ACAA1: variants seen among roughly 807,000 people sequenced by gnomAD.
ACAA1 encodes the protein acetyl-CoA acyltransferase 1.
A neutral mutation model predicts 48.8 loss-of-function variants in ACAA1; 44 were observed. The ratio of observed to expected loss-of-function variants is 0.90; its 90% confidence interval spans 0.71 to 1.16. The LOEUF (loss-of-function observed/expected upper bound fraction) is 1.16, where lower values mean the gene tolerates loss of function less well. ACAA1 is among the 50% of genes most tolerant of loss of function. The pLI is 0.00. For synonymous variants in ACAA1, 233 were observed against 226.5 expected, an observed-to-expected ratio of 1.03 and a Z score of -0.26; for missense variants, 512 against 562.3, an observed-to-expected ratio of 0.91 and a Z score of 0.90.
In ACAA1 at chr3:38,136,658, C is replaced by A; in HGVS notation, c.199G>T (p.Ala67Ser). 1 of 1,613,608 alleles carries A rather than the reference C, an allele frequency of 6.2e-7. No individual in the cohort carries two copies. The highest frequency in any genetic ancestry group is 1.1e-5 in the South Asian group (1 of 91,062). The change falls in exon 2 of 12, where the codon GCA (alanine) becomes TCA (serine). Residue 67 changes from alanine to serine, a missense_variant. Physicochemically the swap from Ala to Ser is moderately conservative, Grantham distance 99 (BLOSUM62 1). Coordinates refer to ENST00000333167, the MANE Select transcript of ACAA1 (RefSeq NM_001607.4). ...TCCTTGAGAACCGCGGTCATGACTG[C>A]CGAGAGAAGCTCGTCGGGGGTGGTG... ...KDTTPDELLS[A>S]VMTAVLKDVN...
At position 38,136,890 on chromosome 3, in the gene ACAA1, C is replaced by T. The variant is rs1479227568; in HGVS notation, c.146G>A (p.Cys49Tyr). ...VVVHGRRTAI[C>Y]RAGRGGFKDT... ...CTTGAAGCCGCCGCGGCCCGCCCGG[C>T]AGATGGCCGTGCGCCGCCCGTGCAC... Residue 49 changes from cysteine to tyrosine, a missense_variant, in exon 1 of 12, where the codon TGC (cysteine) becomes TAC (tyrosine). Cys to Tyr is a radical substitution (Grantham distance 194). Transcript: ENST00000333167. 6.5e-7 allele frequency: 1 copy of T among 1,529,950 alleles called. No homozygotes were observed. The highest frequency in any genetic ancestry group is 2.0e-5 in the Admixed American group (1 of 49,918). The allele number at this position is 1,529,950 out of a possible 1,614,324, so 94.8% of individuals were successfully genotyped here. A position where few individuals can be genotyped will look rare whatever the true frequency, so the allele number is the denominator to read the frequency against.
In ACAA1 at chr3:38,122,757, A is replaced by G. The variant is rs1700557847; in HGVS notation, c.*290T>C. On this transcript the variant is annotated 3_prime_UTR_variant, in exon 12 of 12. Transcript: ENST00000333167. ...ACTATGCCCATTGCACTTCTCATCCATGGATTTGCCTTGCCTTAAGAATTA... is the reference window on the plus strand; with the variant it reads ...ACTATGCCCATTGCACTTCTCATCCGTGGATTTGCCTTGCCTTAAGAATTA... 1.6e-6 allele frequency: 2 copies of G among 1,258,912 alleles called. No homozygotes were observed. The highest frequency in any genetic ancestry group is 2.1e-6 in the Non-Finnish European group (2 of 948,636). The allele number at this position is 1,258,912 out of a possible 1,614,324, so 78.0% of individuals were successfully genotyped here. A position where few individuals can be genotyped will look rare whatever the true frequency, so the allele number is the denominator to read the frequency against.
Position 38,127,886 on chromosome 3 carries a change from T to C in ACAA1, c.546-20A>G, listed in dbSNP as rs746078599. ...GTTATCCTAGAACACAAACAGCAGA[T>C]AGTGTGGGCATTGGTCTGACAGCCT... On this transcript the variant is annotated intron_variant, in intron 6 of 11. Coordinates refer to ENST00000333167, the MANE Select transcript of ACAA1 (RefSeq NM_001607.4). The C allele has an allele frequency of 2.5e-6, 4 of 1,613,494 alleles. No homozygotes were observed. The African/African-American group carries it at 4.0e-5, about 16-fold the overall frequency.
chr3:38,125,004 C>G (rs541685157), intron 11 of ACAA1: 1 of 152,348 alleles, frequency 6.6e-6, no homozygotes, highest in Admixed American at 6.5e-5. Context: ...AATGCTTTGT[C>G]AGGTTTCTAG....
Position 38,136,846 on chromosome 3 carries a change from C to G in ACAA1, c.171+19G>C, listed in dbSNP as rs1234324570. 3 of 1,510,034 alleles carry G rather than the reference C, an allele frequency of 2.0e-6. No individual in the cohort carries two copies. Among genetic ancestry groups the G allele is most frequent in the South Asian group, 1.3e-5 (1 of 79,840 alleles). 93.5% of individuals were successfully genotyped at this position (1,510,034 alleles called of 1,614,324 possible). A position where few individuals can be genotyped will look rare whatever the true frequency, so the allele number is the denominator to read the frequency against. ...GCCGGCGTCTTCCCACACTCGGCGC[C>G]CAGACCCTCGGGCCTCACCTTGAAG... On this transcript the variant is annotated intron_variant, in intron 1 of 11. Transcript: ENST00000333167.
chr3:38,125,429 A>G (rs1236634769), intron 11 of ACAA1, 136 bp downstream of exon 11: 39 of 1,129,834 alleles, frequency 3.5e-5, no homozygotes, highest in Non-Finnish European at 4.5e-5. Context: ...TGGGATTTCA[A>G]CATTTGGGAT....
At chr3:38,123,696 G>GATTT (rs1233501389) in intron 11 of ACAA1, 1 of 152,402 alleles carries the variant, frequency 6.6e-6, no homozygotes, top group Admixed American at 6.5e-5. Context: ...TTAAAAGATT[G>GATTT]ATTTAAAAGA....
chr3:38,131,711 C>A (rs1700792936), intron 4 of ACAA1, 73 bp from the exon 5 acceptor site: 1 of 1,519,064 alleles, frequency 6.6e-7, no homozygotes, highest in Non-Finnish European at 9.1e-7. Flanking sequence ...GCCTCTTCCC[C>A]ACCTGGTCTC....
intron 7 of ACAA1, 22 bp downstream of exon 7, chr3:38,127,764 T>C: frequency 6.2e-7 from 1 of 1,612,180 alleles, no homozygotes; most frequent in South Asian, 1.1e-5. Context: ...CCTTTAAACA[T>C]TCCTCCCCAA....
In ACAA1 at chr3:38,131,648, A is replaced by C; in HGVS notation, c.404-10T>G. ...CCATTTCTGATGCCACCTGTAACAA[A>C]AGCATTTCATAAACATCCTTTGCCA... On this transcript the variant is annotated splice_polypyrimidine_tract_variant and intron_variant, in intron 4 of 11. Transcript: ENST00000333167. The C allele has an allele frequency of 6.2e-7, 1 of 1,614,156 alleles. No homozygotes were observed. The highest frequency in any genetic ancestry group is 8.5e-7 in the Non-Finnish European group (1 of 1,179,988).
rs767683203 is a variant in ACAA1, at chr3:38,136,616, C to CCGG, written c.238_240dup (p.Pro80dup). 1 of 1,614,056 alleles carries CCGG rather than the reference C, an allele frequency of 6.2e-7. No individual in the cohort carries two copies. The highest frequency in any genetic ancestry group is 8.5e-7 in the Non-Finnish European group (1 of 1,179,992). On this transcript the variant is annotated inframe_insertion, in exon 2 of 12. Transcript: ENST00000333167. ...CCGACACAGATGTCCCCCAGCTGTTCCGGCCTCAGATTCACGTCCTTGAGA... is the reference window on the plus strand; with the variant it reads ...CCGACACAGATGTCCCCCAGCTGTTCCGGCGGCCTCAGATTCACGTCCTTGAGA...
At position 38,126,032 on chromosome 3, in the gene ACAA1, TG is replaced by T. The variant is rs1700674662; in HGVS notation, c.997+129del. On this transcript the variant is annotated intron_variant, in intron 9 of 11. Transcript: ENST00000333167. The surrounding 1 kb of genome is among the most constrained non-coding windows in gnomAD (Gnocchi z 4.7). ...GTGGGGTCAGGAAGGGCTTGAAGTATGGGACACTAGCCTGCCCCACCTCCAC... is the reference window on the plus strand; with the variant it reads ...GTGGGGTCAGGAAGGGCTTGAAGTATGGACACTAGCCTGCCCCACCTCCAC... 1.4e-6 allele frequency: 2 copies of T among 1,451,436 alleles called. No individual in the cohort carries two copies. Among genetic ancestry groups the T allele is most frequent in the African/African-American group, 1.4e-5 (1 of 71,502 alleles). 89.9% of individuals were successfully genotyped at this position (1,451,436 alleles called of 1,614,324 possible). A position where few individuals can be genotyped will look rare whatever the true frequency, so the allele number is the denominator to read the frequency against.
rs752490141 is a variant in ACAA1 at position 38,126,250 on chromosome 3, G to A, written c.909C>T (p.Val303=). The change falls in exon 9 of 12, where the codon GTC becomes GTT. Residue 303 remains valine (V), a synonymous_variant. Coordinates refer to ENST00000333167, the MANE Select transcript of ACAA1 (RefSeq NM_001607.4). This position sits in a 1 kb window ranked among gnomAD's most constrained non-coding sequence, Gnocchi z 4.7. Reference sequence around the variant, plus strand: ...CCCCAACCACTGCATAAGACCTCAGGACCCCAAGGATGGGAAGGCCCAACT... The same window carrying A: ...CCCCAACCACTGCATAAGACCTCAGAACCCCAAGGATGGGAAGGCCCAACT... ...AEELGLPILG[V]LRSYAVVGVP... is the part of the protein sequence containing the mutation. 6.2e-7 allele frequency: 1 copy of A among 1,614,142 alleles called. No individual in the cohort carries two copies. Among genetic ancestry groups the A allele is most frequent in the South Asian group, 1.1e-5 (1 of 91,082 alleles).
chr3:38,132,399 G>A (rs1700807634), intron 3 of ACAA1: 1 of 166,596 alleles, frequency 6.0e-6, no homozygotes, highest in African/African-American at 2.4e-5. Flanking sequence ...AGGAACTGCT[G>A]CTGGGACAGA....
At chr3:38,134,584 A>T (rs1009521683) in intron 2 of ACAA1, 3 of 452,700 alleles carry the variant, frequency 6.6e-6, no homozygotes, top group African/African-American at 6.0e-5. Flanking sequence ...CTGCTTTGAG[A>T]TGCTGTTAAT....
At chr3:38,134,190 T>TGTCCTGGTCATCCACCAGCTC (rs1700842585) in intron 2 of ACAA1, 181 bp from the exon 3 acceptor site, 1 of 618,946 alleles carries the variant, frequency 1.6e-6, no homozygotes, top group Non-Finnish European at 2.9e-6. Flanking sequence ...TACAACAGCT[T>TGTCCTGGTCATCCACCAGCTC]GTCCTGGTCA....
chr3:38,136,673 C>G lies in ACAA1; in HGVS notation c.184G>C (p.Asp62His), dbSNP rs1391550523. The G allele has an allele frequency of 6.2e-7, 1 of 1,612,372 alleles. No homozygotes were observed. The highest frequency in any genetic ancestry group is 8.5e-7 in the Non-Finnish European group (1 of 1,179,070). The change falls in exon 2 of 12, where the codon GAC (aspartate) becomes CAC (histidine). Residue 62 changes from aspartate to histidine, a missense_variant. Transcript: ENST00000333167. ...GTCATGACTGCCGAGAGAAGCTCGTCGGGGGTGGTGTCCTGCAGCAGAAAG... is the reference window on the plus strand; with the variant it reads ...GTCATGACTGCCGAGAGAAGCTCGTGGGGGGTGGTGTCCTGCAGCAGAAAG... ...GRGGFKDTTPDELLSAVMTAV... is the reference protein window; with the variant it reads ...GRGGFKDTTPHELLSAVMTAV...
At position 38,125,708 on chromosome 3, in the gene ACAA1, A is replaced by G. The variant is rs1190642433; in HGVS notation, c.1056T>C (p.Ala352=). 6.2e-7 allele frequency: 1 copy of G among 1,608,246 alleles called. No individual in the cohort carries two copies. Among genetic ancestry groups the G allele is most frequent in the East Asian group, 2.2e-5 (1 of 44,848 alleles). Residue 352 remains alanine, a splice_region_variant and synonymous_variant, in exon 11 of 12, where the codon GCT becomes GCC. Coordinates refer to ENST00000333167, the MANE Select transcript of ACAA1 (RefSeq NM_001607.4). ...FEINEAFASQ[A]AYCVEKLRLP... is the part of the protein sequence containing the mutation. ...GTCGTAGCTTCTCCACACAGTAGGC[A>G]GCCTGGAAGGAGGCAGATCATCACC...
intron 11 of ACAA1, chr3:38,123,424 A>G (rs1270517483): frequency 2.0e-5 from 6 of 293,030 alleles, no homozygotes; most frequent in African/African-American, 6.5e-5. Flanking sequence ...CCCAAAAGAC[A>G]CAATCCCAAA....
Sources: allele counts gnomAD v4.1 joint callset, GRCh38; gene constraint gnomAD v4.1.1; non-coding constraint Gnocchi (gnomAD v3.1); transcripts MANE v1.5; gene names NCBI Gene and HGNC (gene_info 2026-07-23, HGNC 2026-07-21).